The following GABRG1 variants were observed in gnomAD, a reference collection of about 807,000 sequenced individuals.
GABRG1 encodes gamma-aminobutyric acid type A receptor subunit gamma1.
A neutral mutation model predicts 49.8 loss-of-function variants in GABRG1; 49 were observed. That is an observed-to-expected ratio of 0.98 (90% CI 0.78 to 1.25). The LOEUF (loss-of-function observed/expected upper bound fraction) is 1.25. GABRG1 is among the 50% of genes most tolerant of loss of function. The pLI is 0.00. For synonymous variants in GABRG1, 232 were observed against 185.1 expected (o/e 1.25, Z -2.06); for missense variants, 552 against 552.3 (o/e 1.00, Z 0.01).
chr4:46,058,140 G>A (rs1214826356), intron 7 of GABRG1, 77 bp downstream of exon 7: 1 of 1,367,274 alleles, frequency 7.3e-7, no homozygotes. Context: ...TCTAATAAAT[G>A]TGACTATGAA....
At chr4:46,045,736 T>G (rs1185823985) in intron 8 of GABRG1, among the ~76,000 whole-genome samples, 1 of 151,986 alleles carries the variant, frequency 6.6e-6, no homozygotes, top group East Asian at 1.9e-4. Flanking sequence ...CCTGACTAAT[T>G]TTTTGTATTT....
intron 3 of GABRG1, among the ~76,000 whole-genome samples, chr4:46,073,074 C>A (rs1453222998): frequency 6.6e-6 from 1 of 151,012 alleles, no homozygotes; most frequent in Non-Finnish European, 1.5e-5. Context: ...AATAATTATC[C>A]AAAAACATGC....
chr4:46,045,493 T>C (rs1302373984), intron 8 of GABRG1, among the ~76,000 whole-genome samples: 1 of 150,732 alleles, frequency 6.6e-6, no homozygotes, highest in African/African-American at 2.4e-5. Flanking sequence ...AAATAAAACA[T>C]AAGAATATTA....
chr4:46,048,822 G>C (rs1350955517), intron 8 of GABRG1, among the ~76,000 whole-genome samples: 1 of 151,838 alleles, frequency 6.6e-6, no homozygotes. Context: ...TAAAACGGGT[G>C]TTTATCAATT....
chr4:46,076,805 A>G (rs943208644), intron 3 of GABRG1, among the ~76,000 whole-genome samples: 1 of 151,846 alleles, frequency 6.6e-6, no homozygotes. Flanking sequence ...TTGAAGTTTC[A>G]AAAAATTCAA....
intron 1 of GABRG1, among the ~76,000 whole-genome samples, chr4:46,112,240 T>A (rs1720739870): frequency 6.6e-6 from 1 of 151,100 alleles, no homozygotes; most frequent in South Asian, 2.1e-4. Flanking sequence ...GGGAACATAT[T>A]CCACACCTCT....
intron 1 of GABRG1, among the ~76,000 whole-genome samples, chr4:46,104,890 A>C (rs1720485202): frequency 6.6e-6 from 1 of 151,484 alleles, no homozygotes; most frequent in South Asian, 2.1e-4. Context: ...GGATTTGTAC[A>C]AATCCTTACA....
intron 5 of GABRG1, among the ~76,000 whole-genome samples, chr4:46,063,066 T>C (rs1012417106): frequency 2.7e-5 from 4 of 150,540 alleles, no homozygotes; most frequent in African/African-American, 9.8e-5. Flanking sequence ...GTAGGAAGAA[T>C]CAATATCGTG....
At chr4:46,087,319 T>G (rs1312148111) in intron 2 of GABRG1, among the ~76,000 whole-genome samples, 2 of 151,722 alleles carry the variant, frequency 1.3e-5, no homozygotes, top group Non-Finnish European at 1.5e-5. Context: ...GGGCCAAGTA[T>G]TCACTGGTAG....
At position 46,087,206 on chromosome 4, in the gene GABRG1, T is replaced by G. The variant is rs546980367; in HGVS notation, c.254-3153A>C. ...GTGTAAGACTTATAGTAGTTCTTTC[T>G]TCTATATGTGGTGAAATTCACTAGT... On this transcript the variant is annotated intron_variant, in intron 2 of 8. Coordinates refer to ENST00000295452, the MANE Select transcript of GABRG1 (RefSeq NM_173536.4). Among the ~76,000 whole-genome samples the G allele has an allele frequency of 1.1e-3, 162 of 151,806 alleles. 1 individual carries two copies. Among genetic ancestry groups the G allele is most frequent in the Non-Finnish European group, 2.1e-3 (145 of 67,726 alleles).
intron 8 of GABRG1, among the ~76,000 whole-genome samples, chr4:46,049,248 A>G (rs967046118): frequency 6.6e-6 from 1 of 151,940 alleles, no homozygotes; most frequent in African/African-American, 2.4e-5. Flanking sequence ...GCCCTTAAAT[A>G]GAGGATTTGA....
chr4:46,108,504 T>C (rs1407864182), intron 1 of GABRG1, among the ~76,000 whole-genome samples: 1 of 151,148 alleles, frequency 6.6e-6, no homozygotes, highest in Non-Finnish European at 1.5e-5. Flanking sequence ...AGAAATTCAC[T>C]CACTCACAAT....
At chr4:46,049,264 CAACA>C (rs772298875) in intron 8 of GABRG1, among the ~76,000 whole-genome samples, 9 of 151,784 alleles carry the variant, frequency 5.9e-5, no homozygotes, top group Non-Finnish European at 1.0e-4. Flanking sequence ...TTTGAGACAA[CAACA>C]AACAGAGTTG....
At chr4:46,111,592 A>G (rs965111749) in intron 1 of GABRG1, among the ~76,000 whole-genome samples, 2 of 151,478 alleles carry the variant, frequency 1.3e-5, no homozygotes, top group Non-Finnish European at 3.0e-5. Flanking sequence ...ATTTTAAACT[A>G]TATGAAAAGG....
intron 2 of GABRG1, among the ~76,000 whole-genome samples, chr4:46,092,341 T>A (rs575788983): frequency 1.6e-4 from 25 of 152,022 alleles, no homozygotes; most frequent in African/African-American, 5.1e-4. Context: ...CACTGTAGTT[T>A]ATGGAAAAAG....
At chr4:46,041,695 G>T (rs978739121) in intron 8 of GABRG1, among the ~76,000 whole-genome samples, 1 of 151,992 alleles carries the variant, frequency 6.6e-6, no homozygotes, top group Admixed American at 6.6e-5. Flanking sequence ...GGTTTGTGAA[G>T]ATATGAATTG....
Position 46,036,173 on chromosome 4 carries a change from T to A in GABRG1, c.*4815A>T, listed in dbSNP as rs1383762332. 6.6e-6 allele frequency: 1 copy of A among 151,932 alleles called. No homozygotes were observed. Among genetic ancestry groups the A allele is most frequent in the Admixed American group, 6.6e-5 (1 of 15,210 alleles). 9.4% of individuals were successfully genotyped at this position (151,932 alleles called of 1,614,324 possible). On this transcript the variant is annotated 3_prime_UTR_variant, in exon 9 of 9. Coordinates refer to ENST00000295452, the MANE Select transcript of GABRG1 (RefSeq NM_173536.4). ...CCAACAATAACAATTCTTTTATTTA[T>A]TCTGACATAAATATTTCAGAAATTG...
chr4:46,121,326 C>T (rs974529244), intron 1 of GABRG1, among the ~76,000 whole-genome samples: 26 of 151,732 alleles, frequency 1.7e-4, no homozygotes, highest in Admixed American at 1.4e-3. Context: ...GAAATATGAT[C>T]GTACATGATT....
At chr4:46,093,432 G>A (rs1006740422) in intron 2 of GABRG1, among the ~76,000 whole-genome samples, 8 of 152,026 alleles carry the variant, frequency 5.3e-5, no homozygotes, top group African/African-American at 1.9e-4. Flanking sequence ...AGTTAGAATA[G>A]AATGATGGTT....
Sources: allele counts gnomAD v4.1 joint callset (sites outside exome capture counted in the v4.1 genomes callset), GRCh38; gene constraint gnomAD v4.1.1; transcripts MANE v1.5; gene names NCBI Gene and HGNC (gene_info 2026-07-23, HGNC 2026-07-21).